HTR2C: variants seen among roughly 807,000 people sequenced by gnomAD.
HTR2C encodes 5-hydroxytryptamine (serotonin) receptor 2C, G protein-coupled.
A neutral mutation model predicts 21.0 loss-of-function variants in HTR2C; 5 were observed. The ratio of observed to expected loss-of-function variants is 0.24; its 90% CI spans 0.12 to 0.50. The LOEUF is 0.50. HTR2C is among the 20% of genes least tolerant of loss of function. The pLI is 0.98. For missense variants in HTR2C, 271 were observed against 371.2 expected (o/e 0.73, Z 2.22); for synonymous variants, 150 against 145.3 (o/e 1.03, Z -0.23).
rs1039517991 is a variant in HTR2C at position 114,639,251 on chromosome X, T to C, written c.-80+25370T>C. 2.7e-5 allele frequency among the ~76,000 whole-genome samples: 3 copies of C among 112,292 alleles called. No individual in the cohort carries two copies. In the Admixed American group the frequency reaches 2.8e-4, roughly 11 times the overall value. ...AAATATTTCAAATGCCATTTATTGA[T>C]GAGTAAATTGTAAATATTGCTAAAT... On this transcript the variant is annotated intron_variant, in intron 2 of 5. Coordinates refer to ENST00000276198, the MANE Select transcript of HTR2C (RefSeq NM_000868.4).
chrX:114,743,764 A>G (rs1447848808), intron 4 of HTR2C, among the ~76,000 whole-genome samples: 3 of 111,967 alleles, frequency 2.7e-5, no homozygotes, highest in Non-Finnish European at 5.6e-5. Context: ...GATTCAAGAA[A>G]TTCAGCAAAC....
intron 4 of HTR2C, among the ~76,000 whole-genome samples, chrX:114,747,305 T>G (rs1044504857): frequency 8.9e-6 from 1 of 112,646 alleles, no homozygotes; most frequent in Non-Finnish European, 1.9e-5. Context: ...ATTGAATGAC[T>G]TCACCTGAAG....
At chrX:114,749,714 CAAAAAAACAAAAACAAA>C (rs1310043603) in intron 4 of HTR2C, among the ~76,000 whole-genome samples, 14 of 109,051 alleles carry the variant, frequency 1.3e-4, no homozygotes, top group African/African-American at 4.7e-4. Context: ...ACAAAAACAA[CAAAAAAACAAAAACAAA>C]AAAAGCATTT....
intron 4 of HTR2C, among the ~76,000 whole-genome samples, chrX:114,745,099 A>G (rs1376069610): frequency 8.9e-6 from 1 of 112,241 alleles, no homozygotes; most frequent in African/African-American, 3.2e-5. Context: ...GCCAGAATAT[A>G]TAAGGAGCTC....
At chrX:114,724,641 C>T (rs1258812372) in intron 2 of HTR2C, among the ~76,000 whole-genome samples, 1 of 100,252 alleles carries the variant, frequency 1.0e-5, no homozygotes, top group African/African-American at 3.5e-5. Context: ...CATGATTTTG[C>T]AATGGCTGGT....
At chrX:114,713,846 A>C (rs1335933959) in intron 2 of HTR2C, among the ~76,000 whole-genome samples, 1 of 110,984 alleles carries the variant, frequency 9.0e-6, no homozygotes, top group Non-Finnish European at 1.9e-5. Flanking sequence ...CTCTCAAAAC[A>C]CATGCATACA....
At chrX:114,764,752 CCT>C (rs782615638) in intron 4 of HTR2C, among the ~76,000 whole-genome samples, 1 of 111,725 alleles carries the variant, frequency 9.0e-6, no homozygotes, top group Admixed American at 9.5e-5. Context: ...GAGGAGACAT[CCT>C]CTGTCTTCTC....
At chrX:114,816,998 A>C (rs1259039892) in intron 4 of HTR2C, among the ~76,000 whole-genome samples, 1 of 111,411 alleles carries the variant, frequency 9.0e-6, no homozygotes, top group East Asian at 2.8e-4. Context: ...TTTGCATGTA[A>C]ATATAAAATG....
chrX:114,901,982 T>C (rs2071340391), intron 5 of HTR2C, among the ~76,000 whole-genome samples: 1 of 111,556 alleles, frequency 9.0e-6, no homozygotes, highest in African/African-American at 3.3e-5. Flanking sequence ...GAATTATTGT[T>C]AGTGACACCT....
intron 4 of HTR2C, among the ~76,000 whole-genome samples, chrX:114,846,237 A>G (rs1281198493): frequency 9.0e-6 from 1 of 111,642 alleles, no homozygotes; most frequent in Non-Finnish European, 1.9e-5. Context: ...TTTGAATTTC[A>G]CCGAACATTT....
At chrX:114,825,464 TATACTC>T (rs1435817141) in intron 4 of HTR2C, among the ~76,000 whole-genome samples, 1 of 112,287 alleles carries the variant, frequency 8.9e-6, no homozygotes, top group Non-Finnish European at 1.9e-5. Context: ...TTAATTCTGT[TATACTC>T]AGACAACACA....
chrX:114,693,445 A>G (rs1932169370), intron 2 of HTR2C, among the ~76,000 whole-genome samples: 1 of 111,872 alleles, frequency 8.9e-6, no homozygotes, highest in African/African-American at 3.2e-5. Flanking sequence ...GGATATAGAC[A>G]CCTCAGTAAA....
At chrX:114,806,934 T>C (rs1005370958) in intron 4 of HTR2C, among the ~76,000 whole-genome samples, 3 of 91,825 alleles carry the variant, frequency 3.3e-5, no homozygotes, top group African/African-American at 1.2e-4. Context: ...ATATATACCA[T>C]ATGTATATAC....
chrX:114,861,967 T>C (rs2071010134), intron 5 of HTR2C, among the ~76,000 whole-genome samples: 1 of 111,623 alleles, frequency 9.0e-6, no homozygotes, highest in Admixed American at 9.5e-5. Context: ...CTTCACTGTT[T>C]AGAAGCTTTT....
intron 2 of HTR2C, among the ~76,000 whole-genome samples, chrX:114,718,106 G>A (rs968574135): frequency 5.1e-4 from 56 of 110,724 alleles, no homozygotes; most frequent in Non-Finnish European, 8.1e-4. Context: ...CACTGCTGCT[G>A]CCACCTGCTG....
At chrX:114,604,962 T>C (rs1928339588) in intron 1 of HTR2C, among the ~76,000 whole-genome samples, 1 of 111,257 alleles carries the variant, frequency 9.0e-6, no homozygotes, top group South Asian at 3.8e-4. Flanking sequence ...CGGAATTTAA[T>C]TTTTGGAGTT....
intron 4 of HTR2C, among the ~76,000 whole-genome samples, chrX:114,740,211 A>C (rs2069631634): frequency 1.8e-5 from 2 of 109,829 alleles, no homozygotes; most frequent in African/African-American, 6.6e-5. Context: ...TAAATACATG[A>C]AAATATGTTT....
chrX:114,720,710 C>G (rs1447134299), intron 2 of HTR2C, among the ~76,000 whole-genome samples: 1 of 33,720 alleles, frequency 3.0e-5, no homozygotes, highest in Non-Finnish European at 5.3e-5. Context: ...TATTCCCCTT[C>G]CTGTGTCCAT....
At chrX:114,695,410 T>A (rs1932250337) in intron 2 of HTR2C, among the ~76,000 whole-genome samples, 1 of 111,789 alleles carries the variant, frequency 8.9e-6, no homozygotes, top group Admixed American at 9.5e-5. Context: ...GGAAGAATGC[T>A]CTTTGGCTTT....
Sources: allele counts gnomAD v4.1 joint callset (sites outside exome capture counted in the v4.1 genomes callset), GRCh38; gene constraint gnomAD v4.1.1; transcripts MANE v1.5; gene names NCBI Gene and HGNC (gene_info 2026-07-23, HGNC 2026-07-21).